The following CELF2 variants were observed in gnomAD, a reference collection of about 807,000 sequenced individuals.
CELF2 encodes CUGBP Elav-like family member 2, also known as CUG triplet repeat RNA-binding protein 2.
A neutral mutation model predicts 62.6 loss-of-function variants in CELF2; 8 were observed. The ratio of observed to expected loss-of-function variants is 0.13; its 90% confidence interval spans 0.07 to 0.23. CELF2 has a LOEUF of 0.23. CELF2 is among the 10% of genes least tolerant of loss of function. The probability of loss-of-function intolerance (pLI) is 1.00; values close to 1 mark genes in which losing one functional copy is unlikely to be tolerated. For synonymous variants in CELF2, 258 were observed against 250.0 expected (o/e 1.03, Z -0.30); for missense variants, 333 against 671.0 (o/e 0.50, Z 5.56).
chr10:10,638,605 C>A, the CELF2 span, among the ~76,000 whole-genome samples: 1 of 152,266 alleles, frequency 6.6e-6, no homozygotes, highest in South Asian at 2.1e-4. Flanking sequence ...GGAGGGCACC[C>A]ATTGGTAGCA....
chr10:10,944,174 G>A (rs1313498131), intron 2 of CELF2: 1 of 152,630 alleles, frequency 6.6e-6, no homozygotes, highest in Non-Finnish European at 1.5e-5. Context: ...GAAGTTGTCA[G>A]TGACTTACAT....
chr10:10,881,360 C>G (rs1300178284), intron 1 of CELF2, among the ~76,000 whole-genome samples: 1 of 152,174 alleles, frequency 6.6e-6, no homozygotes. Context: ...GAGTAACTAC[C>G]TATTTCCTTC....
At chr10:10,799,957 C>A (rs1470985849) in intron 1 of CELF2, among the ~76,000 whole-genome samples, 6 of 152,188 alleles carry the variant, frequency 3.9e-5, no homozygotes, top group South Asian at 2.1e-4. Context: ...TTCATAGGAG[C>A]TAGACCAGAA....
At chr10:11,105,859 T>C (rs997523928) in intron 1 of CELF2, among the ~76,000 whole-genome samples, 62 of 152,186 alleles carry the variant, frequency 4.1e-4, no homozygotes, top group African/African-American at 1.3e-3. Flanking sequence ...TGGAATACGA[T>C]ACCCCAGTCA....
intron 1 of CELF2, among the ~76,000 whole-genome samples, chr10:11,132,374 A>G (rs1180695838): frequency 2.6e-5 from 4 of 152,220 alleles, no homozygotes; most frequent in Non-Finnish European, 5.9e-5. Context: ...AAAGCCTAGC[A>G]TGTAAGAGAG....
At chr10:10,887,280 A>G (rs1245092848) in intron 1 of CELF2, among the ~76,000 whole-genome samples, 3 of 152,170 alleles carry the variant, frequency 2.0e-5, no homozygotes, top group Non-Finnish European at 4.4e-5. Flanking sequence ...CCTTTTTACA[A>G]GGTATCACAG....
chr10:10,671,070 G>A, the CELF2 span, among the ~76,000 whole-genome samples: 1 of 151,634 alleles, frequency 6.6e-6, no homozygotes, highest in African/African-American at 2.4e-5. Context: ...GCGGGGTGAG[G>A]TGGGAGGATT....
chr10:11,006,779 G>A (rs1225186157), intron 1 of CELF2, among the ~76,000 whole-genome samples: 1 of 152,178 alleles, frequency 6.6e-6, no homozygotes, highest in Admixed American at 6.5e-5. Flanking sequence ...CAAGGTCTCT[G>A]TGGAATATAT....
rs1458078321 is a variant in CELF2, at chr10:11,330,443, G to GTTTTTTC, written c.*1391_*1397dup. On this transcript the variant is annotated 3_prime_UTR_variant, in exon 13 of 13. Transcript: ENST00000633077. This position sits in a 1 kb window ranked among gnomAD's most constrained non-coding sequence, Gnocchi z 4.5. ...TCTGTGTAACTTTTTACTCTTCCTTGTTTTTTCCCTAGACATCTTCATGCC... is the reference window on the plus strand; with the variant it reads ...TCTGTGTAACTTTTTACTCTTCCTTGTTTTTTCTTTTTTCCCTAGACATCTTCATGCC... 6.6e-6 allele frequency: 1 copy of GTTTTTTC among 152,390 alleles called. No homozygotes were observed. Among genetic ancestry groups the GTTTTTTC allele is most frequent in the Non-Finnish European group, 1.5e-5 (1 of 68,018 alleles). 9.4% of individuals were successfully genotyped at this position (152,390 alleles called of 1,614,324 possible).
At chr10:10,513,556 C>G in the CELF2 span, among the ~76,000 whole-genome samples, 1 of 152,036 alleles carries the variant, frequency 6.6e-6, no homozygotes, top group Non-Finnish European at 1.5e-5. Flanking sequence ...ATAAGAGTAG[C>G]AAGGAAACCT....
chr10:11,228,331 A>G (rs1481014996), intron 3 of CELF2, among the ~76,000 whole-genome samples: 2 of 152,174 alleles, frequency 1.3e-5, no homozygotes, highest in South Asian at 2.1e-4. Context: ...TTGATCTCAC[A>G]TAAAAAACAA....
the CELF2 span, among the ~76,000 whole-genome samples, chr10:10,703,170 T>C: frequency 3.9e-5 from 6 of 152,358 alleles, no homozygotes; most frequent in East Asian, 9.6e-4. Flanking sequence ...ATATTTATAG[T>C]TCTTACCATG....
chr10:10,560,151 A>C, the CELF2 span, among the ~76,000 whole-genome samples: 7 of 152,158 alleles, frequency 4.6e-5, no homozygotes, highest in African/African-American at 1.7e-4. Context: ...TAGCTGCCCC[A>C]TAATAGTACC....
rs1355827843 is a variant in CELF2 at position 11,243,357 on chromosome 10, T to C, written c.355-5796T>C. The stretch of plus-strand genomic sequence containing the variant: ...ACGTGCGGCTTTAGGCAAAATGTTA[T>C]TCAAAAAAAAAAAAAAAAAGCTTCT... On this transcript the variant is annotated intron_variant, in intron 3 of 12. Transcript: ENST00000633077. The surrounding 1 kb of genome is among the most constrained non-coding windows in gnomAD (Gnocchi z 4.1). Among the ~76,000 whole-genome samples, 3 of 141,008 alleles carry C rather than the reference T, an allele frequency of 2.1e-5. No individual in the cohort carries two copies. The South Asian group carries it at 6.7e-4, about 32-fold the overall frequency. 92.5% of individuals were successfully genotyped at this position (141,008 alleles called of 152,430 possible). A position where few individuals can be genotyped will look rare whatever the true frequency, so the allele number is the denominator to read the frequency against.
the CELF2 span, among the ~76,000 whole-genome samples, chr10:10,667,607 G>A: frequency 6.4e-4 from 97 of 152,294 alleles, no homozygotes; most frequent in African/African-American, 2.2e-3. Context: ...ATCTGCAGGA[G>A]CAGTATTATT....
At chr10:11,166,381 A>T (rs2067195769) in intron 2 of CELF2, among the ~76,000 whole-genome samples, 1 of 152,140 alleles carries the variant, frequency 6.6e-6, no homozygotes, top group African/African-American at 2.4e-5. Context: ...GATGACGGTG[A>T]TGGGGGGCAG....
intron 2 of CELF2, among the ~76,000 whole-genome samples, chr10:11,215,299 A>G (rs1230976263): frequency 1.3e-5 from 2 of 152,200 alleles, no homozygotes; most frequent in African/African-American, 2.4e-5. Context: ...TGGCTCACAC[A>G]GAAGTGCACA....
At position 11,075,251 on chromosome 10, in the gene CELF2, G is replaced by A. The variant is rs1244908853; in HGVS notation, c.74+57088G>A. The A allele has an allele frequency of 6.6e-6, 1 of 152,198 alleles. No individual in the cohort carries two copies. Among genetic ancestry groups the A allele is most frequent in the Non-Finnish European group, 1.5e-5 (1 of 68,036 alleles). 9.4% of individuals were successfully genotyped at this position (152,198 alleles called of 1,614,324 possible). A position where few individuals can be genotyped will look rare whatever the true frequency, so the allele number is the denominator to read the frequency against. On this transcript the variant is annotated intron_variant, in intron 1 of 12. Transcript: ENST00000633077. This position sits in a 1 kb window ranked among gnomAD's most constrained non-coding sequence, Gnocchi z 5.4. ...TGTAAGGGATGTTCAGGAGTCATCA[G>A]AAGGCATGTTGATACTTCTTTTACT... is the stretch of plus-strand genomic sequence containing the variant.
At chr10:11,202,227 A>G (rs1267870606) in intron 2 of CELF2, among the ~76,000 whole-genome samples, 1 of 152,230 alleles carries the variant, frequency 6.6e-6, no homozygotes, top group African/African-American at 2.4e-5. Flanking sequence ...ATTGACTAGT[A>G]ATGAAATCTT....
Sources: gnomAD v4.1 joint callset for allele counts (sites outside exome capture counted in the v4.1 genomes callset) on GRCh38, gnomAD v4.1.1 for gene constraint, Gnocchi (gnomAD v3.1) non-coding constraint, MANE v1.5 for transcripts, NCBI Gene and HGNC (gene_info 2026-07-23, HGNC 2026-07-21) for gene names.